The following CDC20B variants were observed in gnomAD, a reference collection of about 807,000 sequenced individuals.
CDC20B encodes the protein cell division cycle 20B, also known as cell division cycle protein 20 homolog B.
A neutral mutation model predicts 64.1 loss-of-function variants in CDC20B; 58 were observed. The ratio of observed to expected loss-of-function variants is 0.90; its 90% CI spans 0.73 to 1.13. The LOEUF is 1.13. CDC20B is among the 50% of genes most tolerant of loss of function. CDC20B has a pLI of 0.00. For synonymous variants in CDC20B, 243 were observed against 230.6 expected, an observed-to-expected ratio of 1.05 and a Z score of -0.49; for missense variants, 597 against 633.0, an observed-to-expected ratio of 0.94 and a Z score of 0.61.
intron 1 of CDC20B, 95 bp from the exon 2 acceptor site, chr5:55,172,745 TAC>T (rs1200927435): frequency 2.3e-5 from 20 of 885,382 alleles, no homozygotes; most frequent in Admixed American, 3.2e-5. Context: ...CTTGTCAGAT[TAC>T]ACTTTTTTTT....
chr5:55,170,693 C>T (rs1249685446), intron 2 of CDC20B: 1 of 534,656 alleles, frequency 1.9e-6, no homozygotes, highest in East Asian at 5.4e-5. Flanking sequence ...TGGCTGCTGA[C>T]TTGACCCAAG....
chr5:55,124,706 T>A (rs142043925), intron 9 of CDC20B, 97 bp downstream of exon 9: 2 of 1,049,166 alleles, frequency 1.9e-6, no homozygotes, highest in African/African-American at 3.2e-5. Flanking sequence ...GAAAGAAAAA[T>A]CTCAAAATAT....
In CDC20B at chr5:55,133,396, C is replaced by A; in HGVS notation, c.697+16G>T. ...GTCATTTCAACTTTTAATTCCCAAT[C>A]TAAATGATAACTTACAGTAGTCATT... On this transcript the variant is annotated intron_variant, in intron 6 of 11. Coordinates refer to ENST00000381375, the MANE Select transcript of CDC20B (RefSeq NM_001170402.1). The A allele has an allele frequency of 7.7e-7, 1 of 1,300,974 alleles. No individual in the cohort carries two copies. Among genetic ancestry groups the A allele is most frequent in the Non-Finnish European group, 1.1e-6 (1 of 935,748 alleles). The allele number at this position is 1,300,974 out of a possible 1,614,324, so 80.6% of individuals were successfully genotyped here. A position where few individuals can be genotyped will look rare whatever the true frequency, so the allele number is the denominator to read the frequency against.
At chr5:55,134,389 A>C (rs972897194) in intron 5 of CDC20B, among the ~76,000 whole-genome samples, 1 of 152,202 alleles carries the variant, frequency 6.6e-6, no homozygotes, top group Non-Finnish European at 1.5e-5. Flanking sequence ...GCAAAACTGC[A>C]AGATTACTAA....
chr5:55,164,273 TCATTTTAAA>T (rs2111583366), intron 2 of CDC20B: 1 of 1,351,300 alleles, frequency 7.4e-7, no homozygotes, highest in East Asian at 2.5e-5. Context: ...GGGTTTGGTC[TCATTTTAAA>T]CATTTTTTTT....
At chr5:55,150,453 G>A (rs919536323) in intron 2 of CDC20B, among the ~76,000 whole-genome samples, 27 of 152,206 alleles carry the variant, frequency 1.8e-4, no homozygotes, top group African/African-American at 6.3e-4. Context: ...GGGCGAGGCC[G>A]GCTCTCTCTC....
intron 2 of CDC20B, chr5:55,160,153 A>G: frequency 6.7e-7 from 1 of 1,494,272 alleles, no homozygotes; most frequent in Non-Finnish European, 9.3e-7. Context: ...CTCCTCCTTG[A>G]ATTCCAGGCT....
At chr5:55,116,266 A>G (rs1294889458) in intron 11 of CDC20B, among the ~76,000 whole-genome samples, 1 of 152,218 alleles carries the variant, frequency 6.6e-6, no homozygotes. Context: ...AGACGGACAC[A>G]GTGGCACACG....
intron 5 of CDC20B, chr5:55,137,568 C>T (rs751567146): frequency 2.2e-6 from 1 of 456,690 alleles, no homozygotes; most frequent in East Asian, 6.9e-5. Flanking sequence ...TTCAGAGGGC[C>T]TCTCAATTAG....
chr5:55,139,505 G>A (rs534623491), intron 5 of CDC20B, among the ~76,000 whole-genome samples: 1 of 152,184 alleles, frequency 6.6e-6, no homozygotes, highest in South Asian at 2.1e-4. Flanking sequence ...TAAAACATTG[G>A]AGCATTTAGA....
rs774052587 is a variant in CDC20B, at chr5:55,133,545, C to G, written c.581-17G>C. On this transcript the variant is annotated splice_polypyrimidine_tract_variant and intron_variant, in intron 5 of 11. Transcript: ENST00000381375. Reference sequence around the variant, plus strand: ...CTTTGCAGCCTACAAGAAACAAACACTTCTACACAGCTCTAAGATCCTGAA... The same window carrying G: ...CTTTGCAGCCTACAAGAAACAAACAGTTCTACACAGCTCTAAGATCCTGAA... The G allele has an allele frequency of 6.2e-6, 7 of 1,121,324 alleles. No individual in the cohort carries two copies. The highest frequency in any genetic ancestry group is 7.8e-6 in the Non-Finnish European group (6 of 772,038). The allele number at this position is 1,121,324 out of a possible 1,614,324, so 69.5% of individuals were successfully genotyped here.
intron 5 of CDC20B, 42 bp downstream of exon 5, chr5:55,140,272 G>T (rs1743294445): frequency 1.7e-6 from 2 of 1,170,578 alleles, no homozygotes; most frequent in African/African-American, 3.1e-5. Context: ...GAGGCAGAGA[G>T]AGAGGAGCGC....
chr5:55,122,667 C>T (rs186949692), intron 9 of CDC20B, among the ~76,000 whole-genome samples: 54 of 152,294 alleles, frequency 3.5e-4, no homozygotes, highest in African/African-American at 1.3e-3. Flanking sequence ...AAGGTGTTAA[C>T]GCTTTCACCT....
intron 2 of CDC20B, chr5:55,170,863 A>AT: frequency 2.9e-6 from 1 of 345,544 alleles, no homozygotes; most frequent in Non-Finnish European, 5.9e-6. Context: ...GTATTACTTC[A>AT]AGACTATAAG....
chr5:55,119,018 G>C lies in CDC20B; in HGVS notation c.1459+783C>G, dbSNP rs143100758. On this transcript the variant is annotated intron_variant, in intron 11 of 11. Transcript: ENST00000381375. The stretch of plus-strand genomic sequence containing the variant: ...CTGTGTATCCCCAGCACCCCAAAAA[G>C]TACCTCCCACATAATAGATGCTTCA... 2.1e-3 allele frequency among the ~76,000 whole-genome samples: 313 copies of C among 152,268 alleles called. 1 individual carries two copies. The highest frequency in any genetic ancestry group is 7.0e-3 in the African/African-American group (290 of 41,556).
chr5:55,125,219 T>C (rs913031988), intron 8 of CDC20B, among the ~76,000 whole-genome samples, 191 bp from the exon 9 acceptor site: 1 of 152,168 alleles, frequency 6.6e-6, no homozygotes, highest in Non-Finnish European at 1.5e-5. Context: ...GTGAAATTGA[T>C]TTGTCTGGCA....
chr5:55,169,799 T>A (rs1365257946), intron 2 of CDC20B, among the ~76,000 whole-genome samples: 2 of 152,164 alleles, frequency 1.3e-5, no homozygotes, highest in African/African-American at 4.8e-5. Context: ...AGAAACCAAT[T>A]CTAATGCTGT....
chr5:55,121,707 C>T (rs1742760926), intron 9 of CDC20B, among the ~76,000 whole-genome samples: 3 of 152,086 alleles, frequency 2.0e-5, no homozygotes, highest in Non-Finnish European at 4.4e-5. Context: ...ACTAATTTCA[C>T]CCTGGCTAAA....
At position 55,114,172 on chromosome 5, in the gene CDC20B, A is replaced by T. The variant is rs1580332542; in HGVS notation, c.*46T>A. The stretch of plus-strand genomic sequence containing the variant: ...TGGAGAAGACATAGCCAACATCATC[A>T]TCTTCACTCAGAAATAAGGAAACTG... On this transcript the variant is annotated 3_prime_UTR_variant, in exon 12 of 12. Coordinates refer to ENST00000381375, the MANE Select transcript of CDC20B (RefSeq NM_001170402.1). This position sits in a 1 kb window ranked among gnomAD's most constrained non-coding sequence, Gnocchi z 4.1. The T allele has an allele frequency of 6.3e-7, 1 of 1,587,040 alleles. No homozygotes were observed. The highest frequency in any genetic ancestry group is 8.6e-7 in the Non-Finnish European group (1 of 1,166,782).
Sources: gnomAD v4.1 joint callset for allele counts (sites outside exome capture counted in the v4.1 genomes callset) on GRCh38, gnomAD v4.1.1 for gene constraint, Gnocchi (gnomAD v3.1) non-coding constraint, MANE v1.5 for transcripts, NCBI Gene and HGNC (gene_info 2026-07-23, HGNC 2026-07-21) for gene names.